The following MGAT4C variants were observed in gnomAD, a reference collection of about 807,000 sequenced individuals.
MGAT4C encodes alpha-1,3-mannosyl-glycoprotein 4-beta-N-acetylglucosaminyltransferase C.
MGAT4C carries 19 observed loss-of-function variants against 40.1 expected under a neutral mutation model. The ratio of observed to expected loss-of-function variants is 0.47; its 90% CI spans 0.33 to 0.70. The LOEUF (loss-of-function observed/expected upper bound fraction) is 0.70, where lower values mean the gene tolerates loss of function less well. MGAT4C is among the 30% of genes least tolerant of loss of function. MGAT4C has a pLI of 0.02. For missense variants in MGAT4C, 491 were observed against 563.2 expected, an observed-to-expected ratio of 0.87 and a Z score of 1.30; for synonymous variants, 181 against 187.1, an observed-to-expected ratio of 0.97 and a Z score of 0.27.
intron 2 of MGAT4C, among the ~76,000 whole-genome samples, chr12:86,591,909 C>G (rs1961346218): frequency 6.6e-6 from 1 of 151,874 alleles, no homozygotes; most frequent in East Asian, 1.9e-4. Flanking sequence ...GTTTACTGAT[C>G]TATTGTTAAA....
At chr12:86,379,887 CA>C (rs1026777451) in intron 3 of MGAT4C, among the ~76,000 whole-genome samples, 2 of 152,042 alleles carry the variant, frequency 1.3e-5, no homozygotes, top group African/African-American at 4.8e-5. Flanking sequence ...TCTAACATCT[CA>C]AAGTAAACTC....
chr12:86,689,487 G>A (rs1457925862), intron 2 of MGAT4C, among the ~76,000 whole-genome samples: 2 of 152,158 alleles, frequency 1.3e-5, no homozygotes, highest in Non-Finnish European at 2.9e-5. Context: ...ATCTTTGGAT[G>A]GGGTTTTTGC....
chr12:85,983,155 T>A lies in MGAT4C; in HGVS notation c.295+368A>T, dbSNP rs1592601996. Among the ~76,000 whole-genome samples the A allele has an allele frequency of 2.0e-5, 3 of 152,176 alleles. No homozygotes were observed. The East Asian group carries it at 5.8e-4, about 29-fold the overall frequency. ...CTGAGTTTCATTAATTAAAAAGTTGTGGCAAGTCATAAAACCAAACTGTTA... is the reference window on the plus strand; with the variant it reads ...CTGAGTTTCATTAATTAAAAAGTTGAGGCAAGTCATAAAACCAAACTGTTA... On this transcript the variant is annotated intron_variant, in intron 4 of 4. Transcript: ENST00000611864.
intron 2 of MGAT4C, 123 bp from the exon 3 acceptor site, chr12:85,989,675 T>C (rs1027760140): frequency 7.8e-6 from 7 of 895,778 alleles, no homozygotes; most frequent in Middle Eastern, 3.6e-4. Flanking sequence ...TAAAATTCTG[T>C]TCCCAATTTC....
At chr12:86,782,063 G>A (rs1358450468) in intron 1 of MGAT4C, among the ~76,000 whole-genome samples, 2 of 151,774 alleles carry the variant, frequency 1.3e-5, no homozygotes, top group East Asian at 1.9e-4. Flanking sequence ...CGTGATCTCG[G>A]CTTACTGCAA....
intron 1 of MGAT4C, among the ~76,000 whole-genome samples, chr12:86,150,004 G>A (rs1037405958): frequency 6.6e-6 from 1 of 152,078 alleles, no homozygotes; most frequent in Non-Finnish European, 1.5e-5. Context: ...TTGGCACCAG[G>A]GACCGGTTTC....
chr12:86,812,361 T>C (rs1952495323), intron 1 of MGAT4C, among the ~76,000 whole-genome samples: 1 of 152,114 alleles, frequency 6.6e-6, no homozygotes, highest in African/African-American at 2.4e-5. Context: ...TGTTATTTTC[T>C]ATCTAGTAAT....
intron 2 of MGAT4C, among the ~76,000 whole-genome samples, chr12:85,998,999 G>A (rs1886970041): frequency 6.6e-6 from 1 of 152,108 alleles, no homozygotes; most frequent in African/African-American, 2.4e-5. Flanking sequence ...AAAGAAAGAG[G>A]TTTAATGGAC....
rs988926313 is a variant in MGAT4C, at chr12:85,973,261, T to C, written c.*6028A>G. 7.3e-5 allele frequency: 11 copies of C among 150,922 alleles called. No individual in the cohort carries two copies. Among genetic ancestry groups the C allele is most frequent in the Non-Finnish European group, 1.2e-4 (8 of 67,100 alleles). The allele number at this position is 150,922 out of a possible 1,614,324, so 9.3% of individuals were successfully genotyped here. ...AATATTTAAAATATTTTTGCAATAG[T>C]TAGCTTTCAATTATGAACACTCTCA... is the stretch of plus-strand genomic sequence containing the variant. On this transcript the variant is annotated 3_prime_UTR_variant, in exon 5 of 5. Transcript: ENST00000611864.
chr12:86,368,885 C>T (rs1433037598), intron 3 of MGAT4C, among the ~76,000 whole-genome samples: 1 of 151,820 alleles, frequency 6.6e-6, no homozygotes, highest in African/African-American at 2.4e-5. Flanking sequence ...TCTATATATG[C>T]TCATTTCTTC....
intron 2 of MGAT4C, among the ~76,000 whole-genome samples, chr12:86,480,100 C>T (rs1455895461): frequency 5.9e-5 from 9 of 151,526 alleles, no homozygotes; most frequent in Non-Finnish European, 1.3e-4. Context: ...CAAATTTACA[C>T]AAATTTATTT....
chr12:86,564,934 G>C (rs140694104), intron 2 of MGAT4C, among the ~76,000 whole-genome samples: 1 of 152,184 alleles, frequency 6.6e-6, no homozygotes, highest in African/African-American at 2.4e-5. Context: ...CAGGGGCAGA[G>C]AGGGATGCTG....
chr12:86,185,362 G>T (rs572331467), intron 1 of MGAT4C, among the ~76,000 whole-genome samples: 26 of 152,110 alleles, frequency 1.7e-4, no homozygotes, highest in African/African-American at 6.3e-4. Context: ...CTGATACATT[G>T]TAGGCAATTC....
At chr12:86,282,788 A>G (rs574636084) in intron 4 of MGAT4C, among the ~76,000 whole-genome samples, 1 of 151,878 alleles carries the variant, frequency 6.6e-6, no homozygotes, top group Admixed American at 6.6e-5. Flanking sequence ...TTTTAGTGTG[A>G]TTCTAGAGTA....
chr12:86,390,294 G>T (rs927029068), intron 3 of MGAT4C, among the ~76,000 whole-genome samples: 2 of 152,064 alleles, frequency 1.3e-5, no homozygotes, highest in African/African-American at 2.4e-5. Context: ...GAGTACTATT[G>T]TTAAGAAACT....
At chr12:86,307,791 C>T (rs1953975575) in intron 4 of MGAT4C, among the ~76,000 whole-genome samples, 1 of 150,154 alleles carries the variant, frequency 6.7e-6, no homozygotes, top group South Asian at 2.1e-4. Context: ...CAAGCTCCAC[C>T]TCCCGGGTTC....
chr12:86,423,376 T>C (rs1017067526), intron 3 of MGAT4C, among the ~76,000 whole-genome samples: 1 of 151,694 alleles, frequency 6.6e-6, no homozygotes, highest in Non-Finnish European at 1.5e-5. Context: ...AGCATGTAAG[T>C]GCTCCATTTA....
At chr12:86,540,630 G>A (rs1959159228) in intron 2 of MGAT4C, among the ~76,000 whole-genome samples, 1 of 152,138 alleles carries the variant, frequency 6.6e-6, no homozygotes, top group Admixed American at 6.6e-5. Flanking sequence ...CAGCTACTCA[G>A]GAGGCTGAGG....
At chr12:86,282,826 A>C (rs1166318409) in intron 4 of MGAT4C, among the ~76,000 whole-genome samples, 1 of 152,074 alleles carries the variant, frequency 6.6e-6, no homozygotes, top group Non-Finnish European at 1.5e-5. Flanking sequence ...ATTGCAGCCC[A>C]ACTACAAAAG....
Sources: allele counts gnomAD v4.1 joint callset (sites outside exome capture counted in the v4.1 genomes callset), GRCh38; gene constraint gnomAD v4.1.1; transcripts MANE v1.5; gene names NCBI Gene and HGNC (gene_info 2026-07-23, HGNC 2026-07-21).